The following ARHGAP10 variants were observed in gnomAD, a reference collection of about 807,000 sequenced individuals.
ARHGAP10 encodes the protein Rho GTPase activating protein 10.
ARHGAP10 carries 87 observed loss-of-function variants against 108.6 expected under a neutral mutation model. That is an observed-to-expected ratio of 0.80 (90% confidence interval 0.67 to 0.96). The LOEUF is 0.96. Ranked by LOEUF, ARHGAP10 falls within the 40% of genes least tolerant of loss-of-function variation. The pLI is 0.00. For missense variants in ARHGAP10, 939 were observed against 954.5 expected (o/e 0.98, Z 0.21); for synonymous variants, 347 against 341.1 (o/e 1.02, Z -0.19).
intron 10 of ARHGAP10, among the ~76,000 whole-genome samples, chr4:147,895,332 T>G (rs899866431): frequency 6.6e-5 from 10 of 151,910 alleles, no homozygotes; most frequent in Non-Finnish European, 1.2e-4. Flanking sequence ...GTTCTGGCAG[T>G]TTCTTTAGGA....
intron 1 of ARHGAP10, among the ~76,000 whole-genome samples, chr4:147,775,725 T>A (rs1730260093): frequency 6.6e-6 from 1 of 152,234 alleles, no homozygotes; most frequent in South Asian, 2.1e-4. Flanking sequence ...CTTAGTTTCC[T>A]CCTCCCTAGG....
intron 3 of ARHGAP10, among the ~76,000 whole-genome samples, chr4:147,840,621 C>T (rs1218011013): frequency 3.9e-5 from 6 of 152,116 alleles, no homozygotes; most frequent in Non-Finnish European, 8.8e-5. Flanking sequence ...GCTCCATTGG[C>T]TTATGTTAAA....
intron 14 of ARHGAP10, among the ~76,000 whole-genome samples, chr4:147,941,018 C>T (rs1738147482): frequency 6.6e-6 from 1 of 152,116 alleles, no homozygotes; most frequent in Non-Finnish European, 1.5e-5. Context: ...ATAGTGGTCT[C>T]CAAATTAAAT....
chr4:147,906,323 G>GGT (rs1177634880), intron 10 of ARHGAP10, among the ~76,000 whole-genome samples: 1 of 152,076 alleles, frequency 6.6e-6, no homozygotes, highest in Non-Finnish European at 1.5e-5. Context: ...AGAAAAATGT[G>GGT]GTATATACAC....
At chr4:147,835,125 A>G (rs1733115587) in intron 3 of ARHGAP10, among the ~76,000 whole-genome samples, 1 of 152,290 alleles carries the variant, frequency 6.6e-6, no homozygotes, top group African/African-American at 2.4e-5. Context: ...TTGAGTGCCT[A>G]CTATGAGCCA....
At chr4:147,921,918 A>G (rs1417629660) in intron 13 of ARHGAP10, among the ~76,000 whole-genome samples, 1 of 152,060 alleles carries the variant, frequency 6.6e-6, no homozygotes, top group East Asian at 1.9e-4. Context: ...CATTACTAAC[A>G]TTACTGTGCA....
chr4:147,765,784 G>C (rs533434884), intron 1 of ARHGAP10, among the ~76,000 whole-genome samples: 1 of 151,118 alleles, frequency 6.6e-6, no homozygotes, highest in Non-Finnish European at 1.5e-5. Context: ...TGGGCGACAC[G>C]ATGAGACCCT....
chr4:147,991,490 C>A (rs1015899320), intron 18 of ARHGAP10, among the ~76,000 whole-genome samples: 7 of 152,156 alleles, frequency 4.6e-5, no homozygotes, highest in African/African-American at 1.7e-4. Context: ...TGTTTCAGTC[C>A]AAGAAAGCCC....
chr4:147,779,696 C>T (rs1730453018), intron 1 of ARHGAP10, among the ~76,000 whole-genome samples: 1 of 152,194 alleles, frequency 6.6e-6, no homozygotes. Flanking sequence ...TGATCAGTTA[C>T]TTTAAAACTG....
intron 22 of ARHGAP10, among the ~76,000 whole-genome samples, chr4:148,070,650 C>A (rs1168359103): frequency 6.6e-6 from 1 of 152,166 alleles, no homozygotes; most frequent in Admixed American, 6.5e-5. Flanking sequence ...ATTGCATGCG[C>A]GCAGTGAGGG....
rs183301156 is a variant in ARHGAP10, at chr4:148,063,376, G to T, written c.2180+76G>T. 2.0e-5 allele frequency: 31 copies of T among 1,567,508 alleles called. No homozygotes were observed. The East Asian group carries it at 6.8e-4, about 35-fold the overall frequency. ...GCTTGATGAACCTGAGCAGGTTCTT[G>T]TGTTCTCTGCTGGCAAAAGCTTGCC... is the stretch of plus-strand genomic sequence containing the variant. On this transcript the variant is annotated intron_variant, in intron 21 of 22. Transcript: ENST00000336498.
At chr4:147,745,512 GACGGAGTCTCGCTGTGTC>G (rs1312132632) in intron 1 of ARHGAP10, 1 of 155,786 alleles carries the variant, frequency 6.4e-6, no homozygotes, top group Non-Finnish European at 1.4e-5. Flanking sequence ...TTTGTTTTGA[GACGGAGTCTCGCTGTGTC>G]ACCCAGGCTG....
intron 4 of ARHGAP10, among the ~76,000 whole-genome samples, chr4:147,849,913 C>G (rs562342633): frequency 6.6e-6 from 1 of 152,184 alleles, no homozygotes; most frequent in South Asian, 2.1e-4. Flanking sequence ...GTTCAAAAAG[C>G]CCTTTTGCTA....
At chr4:148,069,427 A>G (rs1434246628) in intron 22 of ARHGAP10, among the ~76,000 whole-genome samples, 2 of 152,014 alleles carry the variant, frequency 1.3e-5, no homozygotes, top group South Asian at 4.1e-4. Flanking sequence ...GGGGTTGTGG[A>G]GGCGTCTCTC....
chr4:147,965,557 T>G (rs1476327921), intron 17 of ARHGAP10, among the ~76,000 whole-genome samples: 1 of 152,200 alleles, frequency 6.6e-6, no homozygotes, highest in African/African-American at 2.4e-5. Context: ...CAAAATCAAA[T>G]CAGTGGAGAA....
chr4:147,882,443 A>C lies in ARHGAP10; in HGVS notation c.1034+511A>C, dbSNP rs565464834. On this transcript the variant is annotated intron_variant, in intron 10 of 22. Coordinates refer to ENST00000336498, the MANE Select transcript of ARHGAP10 (RefSeq NM_024605.4). Reference sequence around the variant, plus strand: ...GTGCCACTGCACTCCAGCCTGGGCGACAGAGTGAGACTCCGTTTCAAAAAA... The same window carrying C: ...GTGCCACTGCACTCCAGCCTGGGCGCCAGAGTGAGACTCCGTTTCAAAAAA... Among the ~76,000 whole-genome samples the C allele has an allele frequency of 2.2e-5, 3 of 136,716 alleles. No individual in the cohort carries two copies. In the South Asian group the frequency reaches 8.1e-4, roughly 37 times the overall value. 89.7% of individuals were successfully genotyped at this position (136,716 alleles called of 152,430 possible).
intron 10 of ARHGAP10, among the ~76,000 whole-genome samples, chr4:147,888,738 T>A (rs968681728): frequency 6.6e-6 from 1 of 152,236 alleles, no homozygotes; most frequent in African/African-American, 2.4e-5. Flanking sequence ...AGATACTGTT[T>A]GGGGTTCCTT....
At chr4:148,041,719 T>G (rs1432797432) in intron 19 of ARHGAP10, among the ~76,000 whole-genome samples, 1 of 152,206 alleles carries the variant, frequency 6.6e-6, no homozygotes, top group African/African-American at 2.4e-5. Flanking sequence ...AAAAATCAGA[T>G]TAAGTGAAAT....
intron 14 of ARHGAP10, among the ~76,000 whole-genome samples, chr4:147,945,516 G>A (rs1738342818): frequency 6.6e-6 from 1 of 152,170 alleles, no homozygotes; most frequent in Non-Finnish European, 1.5e-5. Flanking sequence ...TTTCCCGGAT[G>A]ACTATATTAT....
Sources: gnomAD v4.1 joint callset for allele counts (sites outside exome capture counted in the v4.1 genomes callset) on GRCh38, gnomAD v4.1.1 for gene constraint, MANE v1.5 for transcripts, NCBI Gene and HGNC (gene_info 2026-07-23, HGNC 2026-07-21) for gene names.